B4GALT7: variants seen among roughly 807,000 people sequenced by gnomAD.
B4GALT7 encodes the protein UDP-Gal:beta-GlcNAc beta-1,4-galactosyltransferase 7.
In B4GALT7, 30 loss-of-function variants were observed where a neutral mutation model predicts 33.0. The ratio of observed to expected loss-of-function variants is 0.91; its 90% CI spans 0.68 to 1.23. The LOEUF (loss-of-function observed/expected upper bound fraction) is 1.23, where lower values mean the gene tolerates loss of function less well. Ranked by LOEUF, B4GALT7 falls within the 50% of genes most tolerant of loss-of-function variation. The pLI is 0.00. For missense variants in B4GALT7, 507 were observed against 450.8 expected (o/e 1.12, Z -1.13); for synonymous variants, 213 against 187.2 (o/e 1.14, Z -1.13).
chr5:177,601,617 T>A (rs1767853671), intron 1 of B4GALT7: 1 of 152,256 alleles, frequency 6.6e-6, no homozygotes, highest in African/African-American at 2.4e-5. Flanking sequence ...TCCACGCAAC[T>A]GATGCAGGCT....
intron 1 of B4GALT7, chr5:177,603,938 CTGGGAG>C (rs1767904751): frequency 3.5e-6 from 2 of 572,404 alleles, no homozygotes; most frequent in Non-Finnish European, 6.2e-6. Context: ...GCTCTGTGAA[CTGGGAG>C]TGGTTCAGAG....
At chr5:177,607,118 G>A in intron 2 of B4GALT7, 184 bp from the exon 3 acceptor site, 1 of 667,176 alleles carries the variant, frequency 1.5e-6, no homozygotes, top group Non-Finnish European at 2.7e-6. Context: ...GCTTTGAATG[G>A]TTTCTGGCAC....
chr5:177,607,841 C>T, intron 3 of B4GALT7: 1 of 458,266 alleles, frequency 2.2e-6, no homozygotes, highest in Non-Finnish European at 4.1e-6. Flanking sequence ...GTGCATCTCC[C>T]AGCTCTCCTT....
intron 3 of B4GALT7, chr5:177,607,877 T>C: frequency 2.6e-6 from 1 of 382,042 alleles, no homozygotes; most frequent in Non-Finnish European, 5.0e-6. Flanking sequence ...ATTGGCAAGG[T>C]GGTGGTTGTT....
chr5:177,608,924 G>A lies in B4GALT7; in HGVS notation c.738G>A (p.Ser246=), dbSNP rs761285141. ...KGAGLQLFRP[S]GITTGYKTFR... is the part of the protein sequence containing the mutation. ...GACCTCCCTAGCTTTTCCGCCCCTC[G>A]GGAATCACAACTGGGTACAAGACAT... Residue 246 remains serine, a synonymous_variant, in exon 5 of 6, where the codon TCG becomes TCA. Transcript: ENST00000029410. This position sits in a 1 kb window ranked among gnomAD's most constrained non-coding sequence, Gnocchi z 4.1. 11 of 1,613,640 alleles carry A rather than the reference G, an allele frequency of 6.8e-6. No homozygotes were observed. The highest frequency in any genetic ancestry group is 2.2e-5 in the East Asian group (1 of 44,876).
At position 177,600,537 on chromosome 5, in the gene B4GALT7, C is replaced by A. The variant is rs1395949301; in HGVS notation, c.50+277C>A. Among the ~76,000 whole-genome samples, 1 of 151,622 alleles carries A rather than the reference C, an allele frequency of 6.6e-6. No individual in the cohort carries two copies. The highest frequency in any genetic ancestry group is 1.5e-5 in the Non-Finnish European group (1 of 67,912). On this transcript the variant is annotated intron_variant, in intron 1 of 5. Coordinates refer to ENST00000029410, the MANE Select transcript of B4GALT7 (RefSeq NM_007255.3). This position sits in a 1 kb window ranked among gnomAD's most constrained non-coding sequence, Gnocchi z 4.4. ...GGGTCCGTATTTCTCCATTGACTTC[C>A]CTTTGTGAGTTTCTGATCCCCTCTT...
chr5:177,602,115 G>T (rs2127510434), intron 1 of B4GALT7, among the ~76,000 whole-genome samples: 1 of 152,278 alleles, frequency 6.6e-6, no homozygotes, highest in East Asian at 1.9e-4. Flanking sequence ...ATCTGTAGAG[G>T]TTCCAGCCTT....
chr5:177,605,976 T>A (rs981490852), intron 2 of B4GALT7: 1 of 152,526 alleles, frequency 6.6e-6, no homozygotes, highest in Non-Finnish European at 1.5e-5. Flanking sequence ...CAGCAGCATC[T>A]TCTTTCGTAA....
Position 177,609,032 on chromosome 5 carries a change from C to T in B4GALT7, c.828+18C>T, listed in dbSNP as rs1581996954. On this transcript the variant is annotated intron_variant, in intron 5 of 5. Transcript: ENST00000029410. ...AAAAACAGGTGCTGGCAGGGCTCCT[C>T]ATTGGGGACAGATAGGTGGTCATGT... 9 of 1,601,362 alleles carry T rather than the reference C, an allele frequency of 5.6e-6. No homozygotes were observed. The highest frequency in any genetic ancestry group is 1.1e-5 in the South Asian group (1 of 90,862).
At position 177,606,690 on chromosome 5, in the gene B4GALT7, T is replaced by C. The variant is rs923565516; in HGVS notation, c.414-612T>C. 1.5e-5 allele frequency: 3 copies of C among 202,858 alleles called. No individual in the cohort carries two copies. The highest frequency in any genetic ancestry group is 3.1e-5 in the Non-Finnish European group (3 of 98,228). 12.6% of individuals were successfully genotyped at this position (202,858 alleles called of 1,614,324 possible). A position where few individuals can be genotyped will look rare whatever the true frequency, so the allele number is the denominator to read the frequency against. ...GCTCAGAGCCTCCATGGCACCCATC[T>C]TACCCGAGTCAAAGCCCCGTCCTTC... On this transcript the variant is annotated intron_variant, in intron 2 of 5. Coordinates refer to ENST00000029410, the MANE Select transcript of B4GALT7 (RefSeq NM_007255.3). The surrounding 1 kb of genome is among the most constrained non-coding windows in gnomAD (Gnocchi z 4.2).
rs1017140927 is a variant in B4GALT7, at chr5:177,609,900, C to G, written c.*205C>G. The G allele has an allele frequency of 3.1e-6, 2 of 648,888 alleles. No individual in the cohort carries two copies. Among genetic ancestry groups the G allele is most frequent in the Non-Finnish European group, 5.4e-6 (2 of 370,710 alleles). 40.2% of individuals were successfully genotyped at this position (648,888 alleles called of 1,614,324 possible). ...GGTGCCTGGGACGCTGCTTGCCATGCACAGTGATCAGAGAGAGGCTGGGGT... is the reference window on the plus strand; with the variant it reads ...GGTGCCTGGGACGCTGCTTGCCATGGACAGTGATCAGAGAGAGGCTGGGGT... On this transcript the variant is annotated 3_prime_UTR_variant, in exon 6 of 6. Transcript: ENST00000029410.
Position 177,605,134 on chromosome 5 carries a change from C to A in B4GALT7, c.413+593C>A, listed in dbSNP as rs139758876. ...CCTTGATCCAGATCCCCAGACCCCC[C>A]CCTTTTCCCTGCCACCCTTCTTGTC... On this transcript the variant is annotated intron_variant, in intron 2 of 5. Coordinates refer to ENST00000029410, the MANE Select transcript of B4GALT7 (RefSeq NM_007255.3). 600 of 415,396 alleles carry A rather than the reference C, an allele frequency of 1.4e-3. 1 individual carries two copies. Among genetic ancestry groups the A allele is most frequent in the Non-Finnish European group, 2.0e-3 (407 of 207,504 alleles). 25.7% of individuals were successfully genotyped at this position (415,396 alleles called of 1,614,324 possible).
In B4GALT7 at chr5:177,600,196, C is replaced by T. The variant is rs1189713051; in HGVS notation, c.-15C>T. ...CTGCGAGCGCCTGCCCCATGCGCCGCCGCCTCTCCGCACGATGTTCCCCTC... is the reference window on the plus strand; with the variant it reads ...CTGCGAGCGCCTGCCCCATGCGCCGTCGCCTCTCCGCACGATGTTCCCCTC... On this transcript the variant is annotated 5_prime_UTR_variant, in exon 1 of 6. Transcript: ENST00000029410. The surrounding 1 kb of genome is among the most constrained non-coding windows in gnomAD (Gnocchi z 4.4). 1 of 1,361,934 alleles carries T rather than the reference C, an allele frequency of 7.3e-7. No individual in the cohort carries two copies. Among genetic ancestry groups the T allele is most frequent in the South Asian group, 1.7e-5 (1 of 59,992 alleles). The allele number at this position is 1,361,934 out of a possible 1,614,324, so 84.4% of individuals were successfully genotyped here.
Position 177,606,403 on chromosome 5 carries a change from C to CG in B4GALT7, c.414-894dup, listed in dbSNP as rs1405530634. 6.6e-6 allele frequency: 1 copy of CG among 152,474 alleles called. No individual in the cohort carries two copies. Among genetic ancestry groups the CG allele is most frequent in the African/African-American group, 2.4e-5 (1 of 41,418 alleles). 9.4% of individuals were successfully genotyped at this position (152,474 alleles called of 1,614,324 possible). A position where few individuals can be genotyped will look rare whatever the true frequency, so the allele number is the denominator to read the frequency against. On this transcript the variant is annotated intron_variant, in intron 2 of 5. Coordinates refer to ENST00000029410, the MANE Select transcript of B4GALT7 (RefSeq NM_007255.3). This position sits in a 1 kb window ranked among gnomAD's most constrained non-coding sequence, Gnocchi z 4.2. ...CTCTCATTGCTCAAGCCCAAAAGCC[C>CG]GGGGGTCATCCTCAGCTGCTCCTTC...
Position 177,604,320 on chromosome 5 carries a change from A to G in B4GALT7, c.192A>G (p.Gln64=). ...SGDVARAVRG[Q]GQETSGPPRA... ...ACGTGGCCCGGGCAGTCAGGGGACAAGGGCAGGAGACCTCGGGCCCTCCCC... is the reference window on the plus strand; with the variant it reads ...ACGTGGCCCGGGCAGTCAGGGGACAGGGGCAGGAGACCTCGGGCCCTCCCC... Residue 64 remains glutamine, a synonymous_variant, in exon 2 of 6, where the codon CAA becomes CAG. Coordinates refer to ENST00000029410, the MANE Select transcript of B4GALT7 (RefSeq NM_007255.3). The G allele has an allele frequency of 6.2e-7, 1 of 1,610,518 alleles. No individual in the cohort carries two copies. Among genetic ancestry groups the G allele is most frequent in the Non-Finnish European group, 8.5e-7 (1 of 1,178,242 alleles).
At position 177,609,605 on chromosome 5, in the gene B4GALT7, T is replaced by G. The variant is rs1472351800; in HGVS notation, c.894T>G (p.Thr298=). ...NTVKYHVASR[T]ALSVGGAPCT... is the part of the protein sequence containing the mutation. ...TGAAGTACCATGTGGCTTCCCGCACTGCCCTGTCTGTGGGCGGGGCCCCCT... is the reference window on the plus strand; with the variant it reads ...TGAAGTACCATGTGGCTTCCCGCACGGCCCTGTCTGTGGGCGGGGCCCCCT... The change falls in exon 6 of 6, where the codon ACT becomes ACG. Residue 298 remains threonine, a synonymous_variant. Coordinates refer to ENST00000029410, the MANE Select transcript of B4GALT7 (RefSeq NM_007255.3). The G allele has an allele frequency of 6.2e-7, 1 of 1,614,000 alleles. No individual in the cohort carries two copies. The highest frequency in any genetic ancestry group is 1.7e-5 in the Admixed American group (1 of 60,032).
At chr5:177,605,252 C>A in intron 2 of B4GALT7, 1 of 338,500 alleles carries the variant, frequency 3.0e-6, no homozygotes, top group Non-Finnish European at 5.8e-6. Context: ...TTGCTGCTGG[C>A]GTAATCCCAG....
chr5:177,603,919 G>A (rs563814827), intron 1 of B4GALT7: 25 of 536,410 alleles, frequency 4.7e-5, no homozygotes, highest in Non-Finnish European at 6.1e-5. Flanking sequence ...GCATTGAGGA[G>A]CCGGGGCAGC....
intron 2 of B4GALT7, chr5:177,605,149 C>T (rs1024562538): frequency 1.5e-5 from 6 of 402,842 alleles, no homozygotes; most frequent in Non-Finnish European, 3.0e-5. Flanking sequence ...TTCCCTGCCA[C>T]CCTTCTTGTC....
Sources: gnomAD v4.1 joint callset for allele counts (sites outside exome capture counted in the v4.1 genomes callset) on GRCh38, gnomAD v4.1.1 for gene constraint, Gnocchi (gnomAD v3.1) non-coding constraint, MANE v1.5 for transcripts, NCBI Gene and HGNC (gene_info 2026-07-23, HGNC 2026-07-21) for gene names.